PCDH15: variants seen among roughly 807,000 people sequenced by gnomAD.
The protein encoded by PCDH15 is protocadherin related 15.
PCDH15 carries 129 observed loss-of-function variants against 178.5 expected under a neutral mutation model. The observed-to-expected ratio is 0.72, with a 90% confidence interval of 0.63 to 0.84. The LOEUF (loss-of-function observed/expected upper bound fraction) is 0.84. Ranked by LOEUF, PCDH15 falls within the 40% of genes least tolerant of loss-of-function variation. The probability of loss-of-function intolerance (pLI) is 0.00; values close to 1 mark genes in which losing one functional copy is unlikely to be tolerated. For missense variants in PCDH15, 2,230 were observed against 2,099.9 expected, an observed-to-expected ratio of 1.06 and a Z score of -1.21; for synonymous variants, 800 against 732.0, an observed-to-expected ratio of 1.09 and a Z score of -1.50.
intron 3 of PCDH15, among the ~76,000 whole-genome samples, chr10:54,851,336 T>C (rs1187433401): frequency 2.0e-5 from 3 of 152,114 alleles, no homozygotes; most frequent in Non-Finnish European, 4.4e-5. Context: ...GGAAGATACA[T>C]TTTTAAAATG....
intron 19 of PCDH15, among the ~76,000 whole-genome samples, chr10:54,020,789 CTG>C (rs1239453690): frequency 1.3e-5 from 2 of 151,922 alleles, no homozygotes; most frequent in Admixed American, 6.6e-5. Context: ...TCTTAAATGA[CTG>C]TTTCTTATTT....
At chr10:54,940,850 G>A (rs1346854928) in intron 2 of PCDH15, among the ~76,000 whole-genome samples, 1 of 151,784 alleles carries the variant, frequency 6.6e-6, no homozygotes, top group Non-Finnish European at 1.5e-5. Flanking sequence ...GGTTCCTCTA[G>A]CATTCTTGTG....
At chr10:54,293,468 G>C (rs900790263) in intron 8 of PCDH15, among the ~76,000 whole-genome samples, 1 of 152,008 alleles carries the variant, frequency 6.6e-6, no homozygotes, top group African/African-American at 2.4e-5. Flanking sequence ...TAGACAAATG[G>C]GATTGAATTA....
intron 25 of PCDH15, among the ~76,000 whole-genome samples, chr10:53,918,937 G>GT (rs1368690463): frequency 2.6e-5 from 4 of 152,150 alleles, no homozygotes; most frequent in African/African-American, 9.7e-5. Flanking sequence ...GGCTGTATCT[G>GT]TTTCCTTGTC....
At chr10:54,147,716 A>G (rs2133264912) in intron 14 of PCDH15, among the ~76,000 whole-genome samples, 1 of 152,080 alleles carries the variant, frequency 6.6e-6, no homozygotes, top group Admixed American at 6.6e-5. Context: ...GAATATTAAA[A>G]GACTTTAATA....
intron 18 of PCDH15, among the ~76,000 whole-genome samples, chr10:54,051,274 CAGA>C (rs760236165): frequency 7.2e-5 from 11 of 152,152 alleles, no homozygotes; most frequent in Non-Finnish European, 1.6e-4. Context: ...TTGGGGGGCT[CAGA>C]AGAAGATCTA....
chr10:55,522,486 T>C (rs894278269), intron 2 of PCDH15, among the ~76,000 whole-genome samples: 2 of 151,814 alleles, frequency 1.3e-5, no homozygotes, highest in Admixed American at 1.3e-4. Context: ...GCTTTATATA[T>C]GTTATTGCTC....
chr10:55,046,945 C>A (rs1841021463), intron 2 of PCDH15, among the ~76,000 whole-genome samples: 1 of 151,804 alleles, frequency 6.6e-6, no homozygotes, highest in Admixed American at 6.6e-5. Context: ...AGAAATGACT[C>A]TTTTAAAATT....
chr10:54,634,508 A>T (rs925023611), intron 2 of PCDH15, among the ~76,000 whole-genome samples: 3 of 151,970 alleles, frequency 2.0e-5, no homozygotes, highest in Non-Finnish European at 4.4e-5. Flanking sequence ...ATGTATTTTC[A>T]TTTTGGAAAT....
intron 9 of PCDH15, among the ~76,000 whole-genome samples, chr10:54,229,456 CTAAA>C (rs2053823976): frequency 6.6e-6 from 1 of 152,084 alleles, no homozygotes; most frequent in Non-Finnish European, 1.5e-5. Context: ...CTATCATTAA[CTAAA>C]TGATATGGTT....
At chr10:55,280,391 G>A (rs963529180) in intron 1 of PCDH15, among the ~76,000 whole-genome samples, 1 of 140,288 alleles carries the variant, frequency 7.1e-6, no homozygotes, top group Non-Finnish European at 1.5e-5. Context: ...GGATTCTCTC[G>A]CCTCAGCCTC....
intron 2 of PCDH15, among the ~76,000 whole-genome samples, chr10:55,399,478 G>GC (rs1421620428): frequency 1.3e-5 from 2 of 152,080 alleles, no homozygotes; most frequent in Non-Finnish European, 2.9e-5. Context: ...AACACCAACA[G>GC]TTTTTTGAAG....
chr10:54,695,713 C>T (rs2095212758), intron 1 of PCDH15, among the ~76,000 whole-genome samples: 1 of 152,034 alleles, frequency 6.6e-6, no homozygotes, highest in African/African-American at 2.4e-5. Context: ...ACTGACCATT[C>T]TGAAAATCGG....
chr10:54,725,603 T>C (rs368856420), intron 1 of PCDH15, among the ~76,000 whole-genome samples: 22 of 147,920 alleles, frequency 1.5e-4, no homozygotes, highest in East Asian at 1.2e-3. Context: ...CAAAGGAATG[T>C]AATTAATAAA....
intron 2 of PCDH15, among the ~76,000 whole-genome samples, chr10:54,932,206 C>T (rs1412374153): frequency 1.3e-5 from 2 of 152,182 alleles, no homozygotes; most frequent in South Asian, 4.1e-4. Context: ...GCATTCTTAT[C>T]AGAGGAGATG....
intron 28 of PCDH15, among the ~76,000 whole-genome samples, chr10:53,846,302 T>C (rs2132855553): frequency 6.6e-6 from 1 of 152,046 alleles, no homozygotes; most frequent in Non-Finnish European, 1.5e-5. Flanking sequence ...ATTGTTCCAC[T>C]TTACTTTGAA....
intron 2 of PCDH15, among the ~76,000 whole-genome samples, chr10:54,593,484 A>G (rs867805751): frequency 7.9e-5 from 12 of 152,106 alleles, no homozygotes; most frequent in African/African-American, 2.7e-4. Context: ...GTTTACTCTA[A>G]GTGCATGGAT....
chr10:54,324,882 AAG>A (rs1237157085), intron 7 of PCDH15, among the ~76,000 whole-genome samples: 1 of 152,136 alleles, frequency 6.6e-6, no homozygotes, highest in African/African-American at 2.4e-5. Flanking sequence ...AATAATATAA[AAG>A]AGAGTTTGCT....
chr10:55,146,767 G>A (rs9971189), intron 2 of PCDH15, among the ~76,000 whole-genome samples: 56,474 of 151,540 alleles, frequency 0.37, 10,923 homozygotes, highest in Admixed American at 0.47. Flanking sequence ...TTTATGAGAT[G>A]TATAAATATT....
Sources: gnomAD v4.1 joint callset for allele counts (sites outside exome capture counted in the v4.1 genomes callset) on GRCh38, gnomAD v4.1.1 for gene constraint, MANE v1.5 for transcripts, NCBI Gene and HGNC (gene_info 2026-07-23, HGNC 2026-07-21) for gene names.